IFT172: variants seen among roughly 807,000 people sequenced by gnomAD.
IFT172 encodes intraflagellar transport 172.
IFT172 carries 164 observed loss-of-function variants against 248.9 expected under a neutral mutation model. The ratio of observed to expected loss-of-function variants is 0.66; its 90% CI spans 0.58 to 0.75. The LOEUF is 0.75. IFT172 is among the 30% of genes least tolerant of loss of function. The pLI is 0.00. For missense variants in IFT172, 1,950 were observed against 2,192.4 expected, an observed-to-expected ratio of 0.89 and a Z score of 2.21; for synonymous variants, 729 against 791.6, an observed-to-expected ratio of 0.92 and a Z score of 1.33.
chr2:27,467,703 A>G (rs1667212089), intron 16 of IFT172, among the ~76,000 whole-genome samples: 1 of 151,918 alleles, frequency 6.6e-6, no homozygotes, highest in Admixed American at 6.6e-5. Context: ...TAAAAATGTA[A>G]AACAAGAAAT....
At position 27,446,256 on chromosome 2, in the gene IFT172, T is replaced by G. The variant is rs1665087852; in HGVS notation, c.4755+4A>C. 1.2e-6 allele frequency: 2 copies of G among 1,613,832 alleles called. No individual in the cohort carries two copies. The highest frequency in any genetic ancestry group is 3.3e-5 in the Admixed American group (2 of 59,996). On this transcript the variant is annotated splice_donor_region_variant and intron_variant, in intron 43 of 47. Transcript: ENST00000260570. ...CTGCCCCACCCTTCCTTGTCCCAGC[T>G]CACCTTGGCAGCAATGCCTGCTTCA...
chr2:27,458,188 T>G lies in IFT172; in HGVS notation c.2913A>C (p.Ser971=). 6.2e-7 allele frequency: 1 copy of G among 1,614,198 alleles called. No homozygotes were observed. Among genetic ancestry groups the G allele is most frequent in the Non-Finnish European group, 8.5e-7 (1 of 1,180,018 alleles). Residue 971 remains serine (S), a synonymous_variant, in exon 27 of 48, where the codon TCA becomes TCC. Transcript: ENST00000260570. ...CCTGGGCCTGAGTGATGTATAGCAC[T>G]GACACATCTTCTGGTCTCATGCATT... The part of the protein sequence containing the change: ...AMKCMRPEDV[S]VLYITQAQEM...
Position 27,449,000 on chromosome 2 carries a change from A to G in IFT172, c.4343T>C (p.Leu1448Ser). ...CTCCCGGATCAAGTGAGTTGCATAC[A>G]AAGCCACATACTTGTGCAGAATCTT... is the stretch of plus-strand genomic sequence containing the variant. Reference protein sequence around the residue: ...NYKILHKYVALYATHLIREGS... With the variant: ...NYKILHKYVASYATHLIREGS... Residue 1448 changes from leucine to serine, a missense_variant, in exon 40 of 48, where the codon TTG becomes TCG. Physicochemically the swap from Leu to Ser is moderately radical, Grantham distance 145. Transcript: ENST00000260570. 1 of 1,609,338 alleles carries G rather than the reference A, an allele frequency of 6.2e-7. No homozygotes were observed. Among genetic ancestry groups the G allele is most frequent in the Non-Finnish European group, 8.5e-7 (1 of 1,175,648 alleles).
At chr2:27,477,518 A>G in intron 12 of IFT172, 41 bp downstream of exon 12, 1 of 1,419,368 alleles carries the variant, frequency 7.0e-7, no homozygotes, top group Non-Finnish European at 1.0e-6. Context: ...AGCTAGAAGG[A>G]GGCTTATCAA....
rs1229705209 is a variant in IFT172 at position 27,454,152 on chromosome 2, T to C, written c.3541A>G (p.Asn1181Asp). 2 of 1,612,294 alleles carry C rather than the reference T, an allele frequency of 1.2e-6. No homozygotes were observed. The highest frequency in any genetic ancestry group is 1.1e-5 in the South Asian group (1 of 90,910). ...CGCTGAGCTGCCTCCCAATCCTGGT[T>C]ATGGACAAACCTGCCTCCAGGTGGG... ...PKEAVLMFVHNQDWEAAQRVA... is the reference protein window; with the variant it reads ...PKEAVLMFVHDQDWEAAQRVA... The change falls in exon 33 of 48, where the codon AAC (asparagine) becomes GAC (aspartate). Residue 1181 changes from asparagine (N) to aspartate (D), a missense_variant. Physicochemically the swap from Asn to Asp is conservative, Grantham distance 23. Coordinates refer to ENST00000260570, the MANE Select transcript of IFT172 (RefSeq NM_015662.3). This position sits in a 1 kb window ranked among gnomAD's most constrained non-coding sequence, Gnocchi z 4.2.
chr2:27,450,715 T>C (rs1357057747), intron 35 of IFT172, among the ~76,000 whole-genome samples: 4 of 152,078 alleles, frequency 2.6e-5, no homozygotes, highest in Non-Finnish European at 4.4e-5. Flanking sequence ...CTTGGCCTCC[T>C]GAGTAGCTGG....
At chr2:27,449,232 G>A in intron 39 of IFT172, 62 bp downstream of exon 39, 1 of 1,591,290 alleles carries the variant, frequency 6.3e-7, no homozygotes. Flanking sequence ...ATGCATCTTT[G>A]AGGCAGGTGG....
At chr2:27,477,875 T>C (rs896191990) in intron 11 of IFT172, 120 bp downstream of exon 11, 9 of 1,261,890 alleles carry the variant, frequency 7.1e-6, no homozygotes, top group Non-Finnish European at 1.0e-5. Context: ...TGAAACCAGG[T>C]CCCCTACACC....
At chr2:27,447,008 A>G (rs1189813441) in intron 42 of IFT172, among the ~76,000 whole-genome samples, 1 of 148,700 alleles carries the variant, frequency 6.7e-6, no homozygotes, top group Admixed American at 6.7e-5. Flanking sequence ...CAACCTGGCT[A>G]ATTTTTATGT....
At chr2:27,484,116 G>A (rs529741035) in intron 4 of IFT172, 111 bp downstream of exon 4, 161 of 1,480,286 alleles carry the variant, frequency 1.1e-4, no homozygotes, top group Non-Finnish European at 1.4e-4. Flanking sequence ...CCTTGCAGTA[G>A]GAAAAGTCAC....
Position 27,485,583 on chromosome 2 carries a change from T to A in IFT172, c.40-80A>T, listed in dbSNP as rs980079146. On this transcript the variant is annotated intron_variant, in intron 1 of 47. Coordinates refer to ENST00000260570, the MANE Select transcript of IFT172 (RefSeq NM_015662.3). The stretch of plus-strand genomic sequence containing the variant: ...GCATTTCTAGCTTCATTAATTCTAG[T>A]GTAATACTGGTCAATTTTCTTCCTG... 24 of 1,502,406 alleles carry A rather than the reference T, an allele frequency of 1.6e-5. No individual in the cohort carries two copies. In the Admixed American group the frequency reaches 4.0e-4, roughly 25 times the overall value. 93.1% of individuals were successfully genotyped at this position (1,502,406 alleles called of 1,614,324 possible).
intron 1 of IFT172, chr2:27,486,306 A>G (rs1427547306): frequency 9.0e-5 from 15 of 167,114 alleles, no homozygotes. Context: ...GTTGAGACTC[A>G]GGACGAATAA....
chr2:27,475,356 G>A (rs1306866073), intron 14 of IFT172: 1 of 152,134 alleles, frequency 6.6e-6, no homozygotes, highest in African/African-American at 2.4e-5. Context: ...CACTGTAATA[G>A]TGAAAAATCA....
intron 16 of IFT172, among the ~76,000 whole-genome samples, chr2:27,466,258 C>A (rs1388196823): frequency 2.6e-5 from 4 of 152,124 alleles, no homozygotes; most frequent in African/African-American, 4.8e-5. Context: ...ATATTCCCTA[C>A]CCATATCCTA....
At chr2:27,473,369 CAAAAA>C (rs567775832) in intron 14 of IFT172, among the ~76,000 whole-genome samples, 6 of 54,450 alleles carry the variant, frequency 1.1e-4, no homozygotes, top group African/African-American at 4.1e-4. Context: ...GACTCTGTCT[CAAAAA>C]AAAAAAAAAA....
In IFT172 at chr2:27,489,598, G is replaced by A; in HGVS notation, c.39+17C>T. 1.2e-6 allele frequency: 2 copies of A among 1,603,172 alleles called. No homozygotes were observed. The highest frequency in any genetic ancestry group is 1.7e-6 in the Non-Finnish European group (2 of 1,170,440). ...ACATAAAGCATAAGGGGGAGGGACT[G>A]GCACGCAATTCCTCACCTGAGGGCT... On this transcript the variant is annotated intron_variant, in intron 1 of 47. Transcript: ENST00000260570.
At chr2:27,481,331 C>G in intron 7 of IFT172, 71 bp from the exon 8 acceptor site, 1 of 1,120,440 alleles carries the variant, frequency 8.9e-7, no homozygotes, top group Non-Finnish European at 1.3e-6. Context: ...CTCTCAACAC[C>G]TGGTACATTC....
chr2:27,469,394 A>G (rs1647265), intron 16 of IFT172, among the ~76,000 whole-genome samples: 70,635 of 151,992 alleles, frequency 0.46, 17,917 homozygotes, highest in African/African-American at 0.67. Flanking sequence ...CCCTGTCTCA[A>G]AAAACAAAAA....
rs1258692244 is a variant in IFT172 at position 27,447,548 on chromosome 2, G to A, written c.4626C>T (p.Ala1542=). 6.2e-7 allele frequency: 1 copy of A among 1,614,124 alleles called. No individual in the cohort carries two copies. The highest frequency in any genetic ancestry group is 8.5e-7 in the Non-Finnish European group (1 of 1,180,010). Reference sequence around the variant, plus strand: ...TGACACTCTGGGCTGCAGAGCGCGTGGCATAGTAATGAGCGATCAGCAGCA... The same window carrying A: ...TGACACTCTGGGCTGCAGAGCGCGTAGCATAGTAATGAGCGATCAGCAGCA... The part of the protein sequence containing the change: ...KTMLLIAHYY[A]TRSAAQSVKQ... Residue 1542 remains alanine, a synonymous_variant, in exon 42 of 48, where the codon GCC becomes GCT. Coordinates refer to ENST00000260570, the MANE Select transcript of IFT172 (RefSeq NM_015662.3).
Sources: allele counts gnomAD v4.1 joint callset (sites outside exome capture counted in the v4.1 genomes callset), GRCh38; gene constraint gnomAD v4.1.1; non-coding constraint Gnocchi (gnomAD v3.1); transcripts MANE v1.5; gene names NCBI Gene and HGNC (gene_info 2026-07-23, HGNC 2026-07-21).